The following FTCDNL1 variants were observed in gnomAD, a reference collection of about 807,000 sequenced individuals.
The protein encoded by FTCDNL1 is formiminotransferase cyclodeaminase N-terminal like.
A neutral mutation model predicts 5.9 loss-of-function variants in FTCDNL1; 11 were observed. That is an observed-to-expected ratio of 1.87 (90% CI 1.18 to 3.10). The LOEUF is 3.10. Ranked by LOEUF, FTCDNL1 falls within the 30% of genes most tolerant of loss-of-function variation. The probability of loss-of-function intolerance (pLI) is 0.00; values close to 1 mark genes in which losing one functional copy is unlikely to be tolerated. For synonymous variants in FTCDNL1, 58 were observed against 24.8 expected (o/e 2.34, Z -3.99); for missense variants, 115 against 65.5 (o/e 1.76, Z -2.61).
chr2:199,674,271 C>T, the FTCDNL1 span, among the ~76,000 whole-genome samples: 1 of 152,026 alleles, frequency 6.6e-6, no homozygotes, highest in African/African-American at 2.4e-5. Flanking sequence ...AGTACAATGC[C>T]ATGACAGCTC....
the FTCDNL1 span, among the ~76,000 whole-genome samples, chr2:199,704,729 A>G: frequency 6.6e-6 from 1 of 152,148 alleles, no homozygotes; most frequent in Non-Finnish European, 1.5e-5. Context: ...TCCTCCTATC[A>G]GTGCCCCCAC....
chr2:199,752,743 T>C, the FTCDNL1 span, among the ~76,000 whole-genome samples: 3 of 16,474 alleles, frequency 1.8e-4, no homozygotes, highest in South Asian at 0.026. Flanking sequence ...TCTCTCTCTG[T>C]GTGTGTGTGT....
At chr2:199,729,410 T>C in the FTCDNL1 span, among the ~76,000 whole-genome samples, 1 of 152,204 alleles carries the variant, frequency 6.6e-6, no homozygotes, top group African/African-American at 2.4e-5. Context: ...GGAAGTCAAA[T>C]TGTCTCTGTT....
chr2:199,788,595 TA>T (rs1280311778), intron 3 of FTCDNL1, among the ~76,000 whole-genome samples: 2 of 152,136 alleles, frequency 1.3e-5, no homozygotes, highest in Non-Finnish European at 2.9e-5. Flanking sequence ...AAAAAAGGGC[TA>T]AAAATTAAAG....
At chr2:199,781,861 G>A (rs560882353) in intron 3 of FTCDNL1, among the ~76,000 whole-genome samples, 11 of 152,184 alleles carry the variant, frequency 7.2e-5, no homozygotes, top group African/African-American at 2.4e-4. Flanking sequence ...CTCACTGCAA[G>A]CTCCGCCTCC....
rs941680662 is a variant in FTCDNL1 at position 199,809,782 on chromosome 2, T to A, written c.*2923A>T. The stretch of plus-strand genomic sequence containing the variant: ...CCAATATAAACATTTCAAAATTCTA[T>A]ATCTGGTTTATGAGCAGCAGATCAT... On this transcript the variant is annotated 3_prime_UTR_variant, in exon 5 of 5. Transcript: ENST00000420128. 1.3e-5 allele frequency among the ~76,000 whole-genome samples: 2 copies of A among 152,166 alleles called. No homozygotes were observed. The highest frequency in any genetic ancestry group is 2.4e-5 in the African/African-American group (1 of 41,442).
At chr2:199,750,840 G>C in the FTCDNL1 span, among the ~76,000 whole-genome samples, 1 of 152,244 alleles carries the variant, frequency 6.6e-6, no homozygotes, top group East Asian at 1.9e-4. Flanking sequence ...GCTTGAAGGA[G>C]ATGAAAAACA....
At chr2:199,786,188 C>T (rs1026252581) in intron 3 of FTCDNL1, among the ~76,000 whole-genome samples, 1 of 151,998 alleles carries the variant, frequency 6.6e-6, no homozygotes, top group African/African-American at 2.4e-5. Flanking sequence ...ACTTTGTGTT[C>T]ACCCTGATTG....
chr2:199,741,861 C>G, the FTCDNL1 span, among the ~76,000 whole-genome samples: 1 of 152,128 alleles, frequency 6.6e-6, no homozygotes, highest in Admixed American at 6.6e-5. Flanking sequence ...ATATATTGGA[C>G]CACAGAATGT....
At chr2:199,666,624 T>A in the FTCDNL1 span, among the ~76,000 whole-genome samples, 1 of 152,134 alleles carries the variant, frequency 6.6e-6, no homozygotes, top group Non-Finnish European at 1.5e-5. Flanking sequence ...ACCTTAATGA[T>A]GTGATACCTT....
At chr2:199,696,140 T>A in the FTCDNL1 span, among the ~76,000 whole-genome samples, 1 of 152,154 alleles carries the variant, frequency 6.6e-6, no homozygotes, top group Non-Finnish European at 1.5e-5. Context: ...CCCACACCAC[T>A]TTTCCAGGGC....
chr2:199,733,285 A>C, the FTCDNL1 span, among the ~76,000 whole-genome samples: 2 of 152,214 alleles, frequency 1.3e-5, no homozygotes, highest in Admixed American at 6.5e-5. Flanking sequence ...TGAGAAAAGG[A>C]ATTATATATT....
At chr2:199,807,419 C>T (rs1700785281), downstream of FTCDNL1, among the ~76,000 whole-genome samples, 1 of 152,160 alleles carries the variant, frequency 6.6e-6, no homozygotes, top group African/African-American at 2.4e-5. Flanking sequence ...GGGCAGATCA[C>T]CTGAGCTCAG....
chr2:199,704,621 G>T, the FTCDNL1 span, among the ~76,000 whole-genome samples: 1 of 152,104 alleles, frequency 6.6e-6, no homozygotes, highest in Non-Finnish European at 1.5e-5. Flanking sequence ...CTGGATAAAT[G>T]GGAAGGGAGA....
the FTCDNL1 span, among the ~76,000 whole-genome samples, chr2:199,684,678 T>C: frequency 1.3e-5 from 2 of 152,174 alleles, no homozygotes; most frequent in Non-Finnish European, 2.9e-5. Context: ...AGAACGTTTT[T>C]ATTAATTCTC....
downstream of FTCDNL1, among the ~76,000 whole-genome samples, chr2:199,757,293 T>C (rs1437590412): frequency 6.6e-6 from 1 of 151,698 alleles, no homozygotes; most frequent in African/African-American, 2.4e-5. Context: ...AGAAAATAAA[T>C]GCCAAACAAA....
chr2:199,840,561 T>C (rs1007439049), intron 3 of FTCDNL1, among the ~76,000 whole-genome samples: 5 of 152,036 alleles, frequency 3.3e-5, no homozygotes, highest in Admixed American at 1.3e-4. Context: ...CAATAGATAA[T>C]GCCTAAAACT....
At chr2:199,716,733 G>A in the FTCDNL1 span, among the ~76,000 whole-genome samples, 4 of 152,134 alleles carry the variant, frequency 2.6e-5, no homozygotes, top group Admixed American at 6.5e-5. Flanking sequence ...TACGGTTACA[G>A]CCTTAATAAT....
chr2:199,779,989 A>T (rs183606415), intron 3 of FTCDNL1, among the ~76,000 whole-genome samples: 60 of 152,344 alleles, frequency 3.9e-4, no homozygotes, highest in African/African-American at 1.4e-3. Context: ...ACCACCTCTT[A>T]TCACGTGCCG....
Sources: gnomAD v4.1 joint callset for allele counts (sites outside exome capture counted in the v4.1 genomes callset) on GRCh38, gnomAD v4.1.1 for gene constraint, MANE v1.5 for transcripts, NCBI Gene and HGNC (gene_info 2026-07-23, HGNC 2026-07-21) for gene names.